The following DAP3 variants were observed in gnomAD, a reference collection of about 807,000 sequenced individuals.
The protein encoded by DAP3 is death associated protein 3.
Under a neutral mutation model 51.9 loss-of-function variants are expected in DAP3, and 28 were observed. The observed-to-expected ratio is 0.54, with a 90% confidence interval of 0.40 to 0.74. The LOEUF (loss-of-function observed/expected upper bound fraction) is 0.74, where lower values mean the gene tolerates loss of function less well. Among genes scored for constraint, DAP3 ranks in the 30% least tolerant of loss-of-function variants. The pLI is 0.00. For synonymous variants in DAP3, 170 were observed against 170.3 expected (o/e 1.00, Z 0.01); for missense variants, 458 against 483.5 (o/e 0.95, Z 0.49).
chr1:155,712,564 A>C (rs1656841107), intron 2 of DAP3, among the ~76,000 whole-genome samples: 1 of 145,496 alleles, frequency 6.9e-6, no homozygotes, highest in Admixed American at 7.1e-5. Flanking sequence ...GTGAGCCAAG[A>C]TCACACCATT....
intron 2 of DAP3, among the ~76,000 whole-genome samples, chr1:155,712,461 A>C (rs1168801644): frequency 6.6e-6 from 1 of 151,974 alleles, no homozygotes; most frequent in South Asian, 2.1e-4. Flanking sequence ...AAAAATACAA[A>C]ATTAGCCAGG....
upstream of DAP3, chr1:155,688,321 G>T: frequency 6.5e-7 from 1 of 1,548,630 alleles, no homozygotes; most frequent in Non-Finnish European, 8.7e-7. Flanking sequence ...ACCCAAAATG[G>T]CGGCGGCAGC....
intron 4 of DAP3, among the ~76,000 whole-genome samples, chr1:155,724,147 C>T (rs1658302846): frequency 6.6e-6 from 1 of 151,878 alleles, no homozygotes; most frequent in South Asian, 2.1e-4. Context: ...AAATCAGTTT[C>T]ACACACATTA....
At chr1:155,693,114 G>A (rs1360549435) in intron 1 of DAP3, among the ~76,000 whole-genome samples, 1 of 141,622 alleles carries the variant, frequency 7.1e-6, no homozygotes, top group Non-Finnish European at 1.5e-5. Flanking sequence ...GTCTATTGAG[G>A]GAAACCGGTA....
chr1:155,729,995 G>T (rs945154409), intron 9 of DAP3, among the ~76,000 whole-genome samples: 1 of 151,242 alleles, frequency 6.6e-6, no homozygotes, highest in Non-Finnish European at 1.5e-5. Flanking sequence ...CAGGAGAATC[G>T]CTTGAACCCA....
intron 1 of DAP3, among the ~76,000 whole-genome samples, chr1:155,701,028 A>C (rs1655191136): frequency 8.0e-6 from 1 of 125,452 alleles, no homozygotes; most frequent in East Asian, 2.4e-4. Flanking sequence ...CCGCCCGGCC[A>C]GCCGCCCCCT....
intron 11 of DAP3, among the ~76,000 whole-genome samples, chr1:155,732,562 A>C (rs904743804): frequency 1.3e-5 from 2 of 152,142 alleles, no homozygotes; most frequent in African/African-American, 4.8e-5. Flanking sequence ...ATAATGTCTC[A>C]TTCCTAAGAA....
upstream of DAP3, chr1:155,688,613 C>A: frequency 6.5e-7 from 1 of 1,535,188 alleles, no homozygotes; most frequent in East Asian, 2.4e-5. Context: ...CTCCACTCCC[C>A]CTCAGACCCT....
intron 1 of DAP3, among the ~76,000 whole-genome samples, chr1:155,695,724 G>T (rs1431400643): frequency 6.6e-6 from 1 of 152,170 alleles, no homozygotes; most frequent in African/African-American, 2.4e-5. Context: ...TTAACTGGCT[G>T]ATTAAAATCT....
chr1:155,711,586 T>G (rs986358959), intron 2 of DAP3, among the ~76,000 whole-genome samples: 11 of 151,806 alleles, frequency 7.2e-5, no homozygotes, highest in East Asian at 3.9e-4. Flanking sequence ...AAGTTTTGTT[T>G]TTTTTTTTTT....
chr1:155,691,087 T>C (rs1244580343), intron 1 of DAP3, among the ~76,000 whole-genome samples: 1 of 141,688 alleles, frequency 7.1e-6, no homozygotes, highest in East Asian at 1.9e-4. Context: ...TTTTGTATTT[T>C]TAGTAGAGAC....
chr1:155,704,851 C>T (rs920041161), intron 1 of DAP3, among the ~76,000 whole-genome samples: 1 of 151,896 alleles, frequency 6.6e-6, no homozygotes, highest in Non-Finnish European at 1.5e-5. Flanking sequence ...TGGTGGCGGG[C>T]GCCTGTAGTC....
chr1:155,721,787 G>A, intron 4 of DAP3, 169 bp downstream of exon 4: 1 of 603,444 alleles, frequency 1.7e-6, no homozygotes, highest in South Asian at 2.2e-5. Context: ...TTAAGCTCAT[G>A]TTTAAACAAT....
chr1:155,717,283 C>A (rs548264051), intron 3 of DAP3, among the ~76,000 whole-genome samples, 155 bp downstream of exon 3: 4 of 152,124 alleles, frequency 2.6e-5, no homozygotes, highest in Admixed American at 1.3e-4. Context: ...CCAGATTCTC[C>A]CTGTCCCTGT....
intron 3 of DAP3, among the ~76,000 whole-genome samples, chr1:155,718,785 A>G (rs1362269078): frequency 6.6e-6 from 1 of 152,034 alleles, no homozygotes; most frequent in Non-Finnish European, 1.5e-5. Context: ...TATACCATTC[A>G]CCTCTTTTCA....
chr1:155,694,898 G>A (rs1307741255), intron 1 of DAP3, among the ~76,000 whole-genome samples: 4 of 152,158 alleles, frequency 2.6e-5, no homozygotes, highest in African/African-American at 9.7e-5. Flanking sequence ...TGCGGAAGAT[G>A]TTCAAAAAAT....
chr1:155,728,612 C>A (rs1405520404), intron 7 of DAP3, among the ~76,000 whole-genome samples: 1 of 151,834 alleles, frequency 6.6e-6, no homozygotes, highest in African/African-American at 2.4e-5. Flanking sequence ...GTAATTCCAG[C>A]ATTTTGGGAG....
intron 2 of DAP3, among the ~76,000 whole-genome samples, chr1:155,712,031 G>C (rs1656778074): frequency 6.6e-6 from 1 of 151,586 alleles, no homozygotes; most frequent in South Asian, 2.1e-4. Context: ...CCCACACTGA[G>C]GGTGGGTCTG....
upstream of DAP3, chr1:155,688,114 A>G (rs777312601): frequency 3.7e-5 from 60 of 1,610,790 alleles, no homozygotes; most frequent in East Asian, 4.5e-5. Flanking sequence ...GAAGTGAGGA[A>G]GAGGGGGTGG....
Sources: allele counts gnomAD v4.1 joint callset (sites outside exome capture counted in the v4.1 genomes callset), GRCh38; gene constraint gnomAD v4.1.1; transcripts MANE v1.5; gene names NCBI Gene and HGNC (gene_info 2026-07-23, HGNC 2026-07-21).